Variants in DNAH7 observed in about 807,000 individuals in gnomAD.
DNAH7 encodes the protein axonemal beta dynein heavy chain 7.
A neutral mutation model predicts 444.6 loss-of-function variants in DNAH7; 397 were observed. That is an observed-to-expected ratio of 0.89 (90% CI 0.82 to 0.97). The LOEUF is 0.97. DNAH7 is among the 50% of genes least tolerant of loss of function. DNAH7 has a pLI of 0.00. For missense variants in DNAH7, 4,902 were observed against 4,800.8 expected (o/e 1.02, Z -0.62); for synonymous variants, 1,636 against 1,624.4 (o/e 1.01, Z -0.17).
intron 54 of DNAH7, among the ~76,000 whole-genome samples, chr2:195,801,702 A>T (rs554843216): frequency 1.3e-5 from 2 of 152,220 alleles, no homozygotes; most frequent in African/African-American, 2.4e-5. Context: ...AAACATTGCA[A>T]ATACTTCCAA....
At chr2:195,973,541 G>A (rs1207681558) in intron 15 of DNAH7, among the ~76,000 whole-genome samples, 2 of 151,918 alleles carry the variant, frequency 1.3e-5, no homozygotes, top group African/African-American at 2.4e-5. Context: ...GCACAATCTC[G>A]GCTGACTGCA....
chr2:195,966,067 T>G (rs931886579), intron 17 of DNAH7, among the ~76,000 whole-genome samples: 1 of 151,960 alleles, frequency 6.6e-6, no homozygotes, highest in African/African-American at 2.4e-5. Context: ...GTTTGTGTGT[T>G]TGTTTTGGTG....
rs199798030 is a variant in DNAH7, at chr2:195,816,778, C to T, written c.9611G>A (p.Arg3204His). The T allele has an allele frequency of 2.0e-4, 322 of 1,613,980 alleles. No individual in the cohort carries two copies. The highest frequency in any genetic ancestry group is 2.4e-4 in the Non-Finnish European group (281 of 1,180,010). Residue 3204 changes from arginine (R) to histidine (H), a missense_variant, in exon 51 of 65, where the codon CGT (arginine) becomes CAT (histidine). Coordinates refer to ENST00000312428, the MANE Select transcript of DNAH7 (RefSeq NM_018897.3). ...GATGGAAGAATGGATGGCAATAGGACGATAGCCCATGCGGGTGGTGTCAAT... is the reference window on the plus strand; with the variant it reads ...GATGGAAGAATGGATGGCAATAGGATGATAGCCCATGCGGGTGGTGTCAAT... ...KKIDTTRMGY[R>H]PIAIHSSILF...
At chr2:195,875,941 T>C in intron 37 of DNAH7, 98 bp from the exon 38 acceptor site, 1 of 1,164,726 alleles carries the variant, frequency 8.6e-7, no homozygotes, top group Non-Finnish European at 1.2e-6. Context: ...GCTATCTATT[T>C]GCAGAGTACA....
At position 195,845,173 on chromosome 2, in the gene DNAH7, A is replaced by G; in HGVS notation, c.8782-8T>C. ...CCACTCTTTAGTTTGATTCTTTAGA[A>G]CATCCACAGAAAGATAAAGAAATGA... On this transcript the variant is annotated splice_polypyrimidine_tract_variant and splice_region_variant and intron_variant, in intron 46 of 64. Coordinates refer to ENST00000312428, the MANE Select transcript of DNAH7 (RefSeq NM_018897.3). 1 of 1,600,378 alleles carries G rather than the reference A, an allele frequency of 6.2e-7. No homozygotes were observed. Among genetic ancestry groups the G allele is most frequent in the Non-Finnish European group, 8.5e-7 (1 of 1,173,990 alleles).
chr2:195,950,622 G>A (rs956911639), intron 19 of DNAH7, among the ~76,000 whole-genome samples: 2 of 151,922 alleles, frequency 1.3e-5, no homozygotes, highest in Non-Finnish European at 2.9e-5. Context: ...GCTGAAGCGG[G>A]CAGATCACAA....
intron 52 of DNAH7, among the ~76,000 whole-genome samples, chr2:195,809,398 A>G: frequency 6.6e-6 from 1 of 152,258 alleles, no homozygotes; most frequent in South Asian, 2.1e-4. Flanking sequence ...GACTTTACAC[A>G]GATTTCAGTA....
intron 49 of DNAH7, among the ~76,000 whole-genome samples, chr2:195,823,343 CTG>C (rs1283020285): frequency 1.3e-5 from 2 of 152,168 alleles, no homozygotes; most frequent in Non-Finnish European, 2.9e-5. Context: ...TGCAGCTCCG[CTG>C]TGTCTTCCTA....
Position 195,960,331 on chromosome 2 carries a change from C to CA in DNAH7, c.2819dup (p.Leu940PhefsTer3), listed in dbSNP as rs1691000408. ...TTTGTGTTTTAATAATATGGTCATC[C>CA]AACAACATCTGAATTTCATCAACTG... On this transcript the variant is annotated frameshift_variant, in exon 18 of 65. Transcript: ENST00000312428. LOFTEE classifies it high-confidence loss of function. 1 of 1,613,702 alleles carries CA rather than the reference C, an allele frequency of 6.2e-7. No homozygotes were observed. The highest frequency in any genetic ancestry group is 1.3e-5 in the African/African-American group (1 of 74,966).
intron 56 of DNAH7, chr2:195,796,023 A>G (rs909942479): frequency 6.5e-5 from 10 of 152,912 alleles, no homozygotes; most frequent in African/African-American, 2.4e-4. Context: ...CAGTTGAGCT[A>G]CATGGAGTTT....
intron 10 of DNAH7, among the ~76,000 whole-genome samples, chr2:196,007,178 A>G (rs1186837064): frequency 1.3e-5 from 2 of 152,162 alleles, no homozygotes; most frequent in Non-Finnish European, 2.9e-5. Context: ...GAGGACTCAC[A>G]CTTCCTTATC....
In DNAH7 at chr2:195,771,753, G is replaced by A. The variant is rs757706559; in HGVS notation, c.11340C>T (p.Ser3780=). 6.2e-7 allele frequency: 1 copy of A among 1,614,022 alleles called. No individual in the cohort carries two copies. The highest frequency in any genetic ancestry group is 1.3e-5 in the African/African-American group (1 of 74,920). The stretch of plus-strand genomic sequence containing the variant: ...TCTCTTGGACAAGTACAGTGTTCAT[G>A]CTCTGAGTATAAGTTGTTGGGTACC... The part of the protein sequence containing the change: ...MRRYPTTYTQ[S]MNTVLVQEMG... The change falls in exon 61 of 65, where the codon AGC becomes AGT. Residue 3780 remains serine, a synonymous_variant. Transcript: ENST00000312428.
At chr2:196,061,335 G>A (rs934834493) in intron 1 of DNAH7, among the ~76,000 whole-genome samples, 1 of 151,856 alleles carries the variant, frequency 6.6e-6, no homozygotes, top group African/African-American at 2.4e-5. Context: ...TATCTCCCCC[G>A]TATTAACCTT....
intron 58 of DNAH7, among the ~76,000 whole-genome samples, chr2:195,785,349 T>G (rs1170292168): frequency 6.6e-6 from 1 of 150,806 alleles, no homozygotes. Flanking sequence ...GTGTGTGTTT[T>G]TAATTTAATT....
intron 47 of DNAH7, among the ~76,000 whole-genome samples, chr2:195,835,152 C>A (rs1029822494): frequency 6.6e-6 from 1 of 152,100 alleles, no homozygotes; most frequent in African/African-American, 2.4e-5. Context: ...TAATTGGCAA[C>A]AAAATCACTA....
chr2:196,062,693 T>G (rs1044902296), intron 1 of DNAH7, among the ~76,000 whole-genome samples: 1 of 152,142 alleles, frequency 6.6e-6, no homozygotes, highest in Non-Finnish European at 1.5e-5. Context: ...CACAGGCCAA[T>G]CCCTCCATCT....
intron 49 of DNAH7, among the ~76,000 whole-genome samples, chr2:195,821,616 T>C (rs373723288): frequency 3.3e-5 from 5 of 152,134 alleles, no homozygotes; most frequent in East Asian, 3.9e-4. Flanking sequence ...TGTAGAATAA[T>C]TGAAGGTTGT....
chr2:195,772,781 CTT>C (rs201466193), intron 60 of DNAH7, among the ~76,000 whole-genome samples: 30 of 133,536 alleles, frequency 2.2e-4, no homozygotes, highest in African/African-American at 5.0e-4. Context: ...TCTACTGTGA[CTT>C]TTTTTTTTTT....
intron 14 of DNAH7, 33 bp downstream of exon 14, chr2:195,987,033 C>T (rs1692955264): frequency 6.5e-7 from 1 of 1,539,544 alleles, no homozygotes; most frequent in Non-Finnish European, 8.7e-7. Context: ...CATCCCCTCC[C>T]AAAAAATAAA....
Sources: allele counts gnomAD v4.1 joint callset (sites outside exome capture counted in the v4.1 genomes callset), GRCh38; gene constraint gnomAD v4.1.1; transcripts MANE v1.5; gene names NCBI Gene and HGNC (gene_info 2026-07-23, HGNC 2026-07-21).